Variants in KAT2B observed in about 807,000 individuals in gnomAD.
The protein encoded by KAT2B is lysine acetyltransferase 2B.
In KAT2B, 36 loss-of-function variants were observed where a neutral mutation model predicts 105.9. The observed-to-expected ratio is 0.34, with a 90% confidence interval of 0.26 to 0.45. KAT2B has a LOEUF of 0.45. KAT2B is among the 20% of genes least tolerant of loss of function. The pLI is 1.00. For synonymous variants in KAT2B, 397 were observed against 377.9 expected (o/e 1.05, Z -0.59); for missense variants, 820 against 1,021.6 (o/e 0.80, Z 2.69).
chr3:20,103,202 G>A (rs1159946636), intron 5 of KAT2B, among the ~76,000 whole-genome samples: 1 of 151,956 alleles, frequency 6.6e-6, no homozygotes, highest in African/African-American at 2.4e-5. Flanking sequence ...TGAAACTCTT[G>A]TTTATAATAA....
At chr3:20,064,574 C>A (rs1698193181) in intron 1 of KAT2B, among the ~76,000 whole-genome samples, 1 of 152,106 alleles carries the variant, frequency 6.6e-6, no homozygotes, top group Non-Finnish European at 1.5e-5. Flanking sequence ...GTGAGTCCTT[C>A]CTCTCTCACA....
intron 5 of KAT2B, among the ~76,000 whole-genome samples, chr3:20,104,599 G>A (rs986959732): frequency 6.6e-6 from 1 of 152,160 alleles, no homozygotes; most frequent in African/African-American, 2.4e-5. Flanking sequence ...TGCTGTAAGA[G>A]AACCTCAGGA....
chr3:20,104,855 G>C (rs932031657), intron 5 of KAT2B, among the ~76,000 whole-genome samples: 1 of 150,150 alleles, frequency 6.7e-6, no homozygotes, highest in African/African-American at 2.4e-5. Flanking sequence ...CTGAAGAAAA[G>C]AAAAATATAA....
chr3:20,063,405 T>G (rs1254515065), intron 1 of KAT2B, among the ~76,000 whole-genome samples: 4 of 151,484 alleles, frequency 2.6e-5, no homozygotes, highest in African/African-American at 9.7e-5. Context: ...TGAAGATTTT[T>G]TCTGTATTTT....
intron 1 of KAT2B, among the ~76,000 whole-genome samples, chr3:20,060,620 C>A (rs370436695): frequency 4.5e-5 from 4 of 89,676 alleles, no homozygotes; most frequent in Non-Finnish European, 1.0e-4. Context: ...CAAACAAACA[C>A]ACAAACAACA....
chr3:20,152,258 T>C, intron 17 of KAT2B, 74 bp from the exon 18 acceptor site: 1 of 1,005,048 alleles, frequency 9.9e-7, no homozygotes, highest in Non-Finnish European at 1.5e-6. Flanking sequence ...CATAGATTCC[T>C]TTCCCAGTCC....
Position 20,152,408 on chromosome 3 carries a change from A to C in KAT2B, c.2382A>C (p.Arg794=). ...AATTATTCATGGCAGACTTACAGCG[A>C]GTCTTTACCAATTGCAAAGAGTACA... The part of the protein sequence containing the change: ...SKKLFMADLQ[R]VFTNCKEYNP... Residue 794 remains arginine, a synonymous_variant, in exon 18 of 18, where the codon CGA becomes CGC. Coordinates refer to ENST00000263754, the MANE Select transcript of KAT2B (RefSeq NM_003884.5). 6.2e-7 allele frequency: 1 copy of C among 1,613,464 alleles called. No homozygotes were observed. Among genetic ancestry groups the C allele is most frequent in the Non-Finnish European group, 8.5e-7 (1 of 1,179,496 alleles).
chr3:20,040,540 G>T lies in KAT2B; in HGVS notation c.63G>T (p.Gly21=), dbSNP rs1439722844. ...GGGCAGGAGCCGGGGCAGGGGCCGG[G>T]CCCGGGGCGCTGCCCCCGCAGCCTG... The part of the protein sequence containing the change: ...GCGAGAGAGA[G]PGALPPQPAA... Residue 21 remains glycine, a synonymous_variant, in exon 1 of 18, where the codon GGG becomes GGT. Coordinates refer to ENST00000263754, the MANE Select transcript of KAT2B (RefSeq NM_003884.5). 3.9e-6 allele frequency: 4 copies of T among 1,022,880 alleles called. No homozygotes were observed. Among genetic ancestry groups the T allele is most frequent in the Non-Finnish European group, 4.7e-6 (4 of 855,806 alleles). 63.4% of individuals were successfully genotyped at this position (1,022,880 alleles called of 1,614,324 possible). A position where few individuals can be genotyped will look rare whatever the true frequency, so the allele number is the denominator to read the frequency against.
intron 17 of KAT2B, among the ~76,000 whole-genome samples, chr3:20,151,216 T>C (rs1699863641): frequency 6.6e-6 from 1 of 152,216 alleles, no homozygotes; most frequent in Admixed American, 6.5e-5. Flanking sequence ...CAAGATAGGC[T>C]TTATTCAAGA....
At chr3:20,129,286 A>T (rs996601050) in intron 11 of KAT2B, among the ~76,000 whole-genome samples, 1 of 152,130 alleles carries the variant, frequency 6.6e-6, no homozygotes, top group Non-Finnish European at 1.5e-5. Flanking sequence ...TTACCCATAT[A>T]TCCAAAGTAT....
chr3:20,100,878 G>A (rs919439163), intron 4 of KAT2B: 1 of 166,118 alleles, frequency 6.0e-6, no homozygotes, highest in African/African-American at 2.4e-5. Flanking sequence ...TTTTTGATTA[G>A]CATTTTTGTA....
chr3:20,136,001 T>A (rs1056861720), intron 11 of KAT2B, among the ~76,000 whole-genome samples: 9 of 152,206 alleles, frequency 5.9e-5, no homozygotes, highest in Non-Finnish European at 1.0e-4. Context: ...CAGATTGCCT[T>A]TTCATGATAG....
intron 4 of KAT2B, among the ~76,000 whole-genome samples, chr3:20,100,737 A>G (rs1698895871): frequency 6.6e-6 from 1 of 152,340 alleles, no homozygotes; most frequent in East Asian, 1.9e-4. Context: ...GAAAGATTAA[A>G]TTAACAGTTT....
chr3:20,053,532 C>T (rs562876463), intron 1 of KAT2B, among the ~76,000 whole-genome samples: 1 of 152,028 alleles, frequency 6.6e-6, no homozygotes, highest in Non-Finnish European at 1.5e-5. Context: ...GAGACCCTGT[C>T]TCAAAAAACA....
chr3:20,071,337 C>G (rs1287506262), intron 1 of KAT2B, among the ~76,000 whole-genome samples: 2 of 152,168 alleles, frequency 1.3e-5, no homozygotes, highest in Admixed American at 1.3e-4. Context: ...ACATGTTATT[C>G]TAACAATGTA....
At chr3:20,147,847 C>T (rs954749728) in intron 14 of KAT2B, 116 bp from the exon 15 acceptor site, 17 of 918,884 alleles carry the variant, frequency 1.9e-5, no homozygotes, top group Non-Finnish European at 3.3e-6. Context: ...AGTCGTCTCT[C>T]AGAAGTAGAC....
In KAT2B at chr3:20,072,431, A is replaced by C; in HGVS notation, c.402A>C (p.Glu134Asp). Residue 134 changes from glutamate to aspartate, a missense_variant, in exon 2 of 18, where the codon GAA (glutamate) becomes GAC (aspartate). Physicochemically the swap from Glu to Asp is conservative, Grantham distance 45. This residue lies in a region of KAT2B where 173 missense variants were observed against 249.5 expected (regional missense o/e 0.69). Transcript: ENST00000263754. ...DLQQIIVSLT[E>D]SCRSCSHALA... The stretch of plus-strand genomic sequence containing the variant: ...AGCAAATAATTGTCAGTCTAACAGA[A>C]TCCTGTCGGAGTTGTAGCCATGCCC... 1 of 1,613,918 alleles carries C rather than the reference A, an allele frequency of 6.2e-7. No individual in the cohort carries two copies. Among genetic ancestry groups the C allele is most frequent in the Non-Finnish European group, 8.5e-7 (1 of 1,179,782 alleles).
chr3:20,138,997 G>A (rs528469246), intron 12 of KAT2B, among the ~76,000 whole-genome samples: 6 of 152,184 alleles, frequency 3.9e-5, no homozygotes, highest in Non-Finnish European at 5.9e-5. Flanking sequence ...GGGCTCAGGC[G>A]ATCCTCCTGC....
At position 20,040,542 on chromosome 3, in the gene KAT2B, C is replaced by T. The variant is rs1366531500; in HGVS notation, c.65C>T (p.Pro22Leu). The T allele has an allele frequency of 5.2e-5, 52 of 1,009,386 alleles. No individual in the cohort carries two copies. In the East Asian group the frequency reaches 1.6e-3, roughly 31 times the overall value. The allele number at this position is 1,009,386 out of a possible 1,614,324, so 62.5% of individuals were successfully genotyped here. The change falls in exon 1 of 18, where the codon CCC becomes CTC. Residue 22 changes from proline to leucine, a missense_variant. Transcript: ENST00000263754. ...GCAGGAGCCGGGGCAGGGGCCGGGC[C>T]CGGGGCGCTGCCCCCGCAGCCTGCG... ...CGAGAGAGAG[P>L]GALPPQPAAL...
Sources: allele counts gnomAD v4.1 joint callset (sites outside exome capture counted in the v4.1 genomes callset), GRCh38; gene constraint gnomAD v4.1.1; regional missense constraint gnomAD v4.1.1; transcripts MANE v1.5; gene names NCBI Gene and HGNC (gene_info 2026-07-23, HGNC 2026-07-21).